Variants in LIMA1 observed in about 807,000 individuals in gnomAD.
LIMA1 encodes LIM domain and actin binding 1, also known as LIM domain and actin-binding protein 1.
In LIMA1, 52 loss-of-function variants were observed where a neutral mutation model predicts 62.6. The observed-to-expected ratio is 0.83, with a 90% confidence interval of 0.67 to 1.05. LIMA1 has a LOEUF of 1.05. Ranked by LOEUF, LIMA1 falls within the 50% of genes least tolerant of loss-of-function variation. The pLI, the probability that LIMA1 is intolerant of heterozygous loss-of-function variation, is 0.00. For missense variants in LIMA1, 780 were observed against 902.2 expected (o/e 0.86, Z 1.74); for synonymous variants, 302 against 317.8 (o/e 0.95, Z 0.53).
At chr12:50,274,364 T>C (rs1279872711) in intron 1 of LIMA1, among the ~76,000 whole-genome samples, 1 of 152,190 alleles carries the variant, frequency 6.6e-6, no homozygotes, top group Non-Finnish European at 1.5e-5. Context: ...GGCAGGCGGA[T>C]AATGAGGTCG....
intron 1 of LIMA1, among the ~76,000 whole-genome samples, chr12:50,271,105 A>G (rs1204459566): frequency 6.6e-6 from 1 of 151,900 alleles, no homozygotes; most frequent in African/African-American, 2.4e-5. Flanking sequence ...ACAAACAAAC[A>G]AACAAAAAAC....
At chr12:50,186,946 A>G (rs1213949393) in intron 9 of LIMA1, 1 of 152,232 alleles carries the variant, frequency 6.6e-6, no homozygotes, top group African/African-American at 2.4e-5. Flanking sequence ...GGAGGAGAGC[A>G]GATGCTAACC....
intron 1 of LIMA1, among the ~76,000 whole-genome samples, chr12:50,259,426 T>TA (rs1942038257): frequency 6.6e-6 from 1 of 152,204 alleles, no homozygotes; most frequent in Non-Finnish European, 1.5e-5. Flanking sequence ...ACTCTATAAA[T>TA]ACGCCTTCCA....
Position 50,179,538 on chromosome 12 carries a change from C to T in LIMA1, c.1275-1469G>A, listed in dbSNP as rs1415698176. Among the ~76,000 whole-genome samples, 5 of 144,750 alleles carry T rather than the reference C, an allele frequency of 3.5e-5. 1 individual carries two copies. The highest frequency in any genetic ancestry group is 4.4e-4 in the East Asian group (2 of 4,522). 95.0% of individuals were successfully genotyped at this position (144,750 alleles called of 152,430 possible). ...CTGCAAGCTCCGCCTCCCAGGTTCA[C>T]GCCATTCTCCTGCCTCAGCCTCCCG... On this transcript the variant is annotated intron_variant, in intron 10 of 10. Transcript: ENST00000341247.
rs140496458 is a variant in LIMA1 at position 50,271,220 on chromosome 12, G to T, written c.-24+12200C>A. Among the ~76,000 whole-genome samples the T allele has an allele frequency of 5.9e-3, 894 of 152,280 alleles. 5 individuals are homozygous for T. The highest frequency in any genetic ancestry group is 9.9e-3 in the Non-Finnish European group (676 of 68,016). On this transcript the variant is annotated intron_variant, in intron 1 of 10. Coordinates refer to ENST00000341247, the MANE Select transcript of LIMA1 (RefSeq NM_016357.5). ...CAGGAGTTTGAGGCTGCAGTGAGCC[G>T]TGACTATGCCACTGCACTCCAGCCT...
At chr12:50,257,115 T>C (rs1327468405) in intron 1 of LIMA1, among the ~76,000 whole-genome samples, 1 of 152,242 alleles carries the variant, frequency 6.6e-6, no homozygotes, top group Non-Finnish European at 1.5e-5. Context: ...CATTCATGGG[T>C]GTGTCTTGCT....
rs2138485141 is a variant in LIMA1 at position 50,204,719 on chromosome 12, CAT to C, written c.716-21_716-20del. 1 of 1,612,654 alleles carries C rather than the reference CAT, an allele frequency of 6.2e-7. No homozygotes were observed. Among genetic ancestry groups the C allele is most frequent in the African/African-American group, 1.3e-5 (1 of 74,904 alleles). ...AACTGACCTGGAAGCATCCAAATAA[CAT>C]GTTTTATTTTATTTCTGAGATGGGG... On this transcript the variant is annotated intron_variant, in intron 5 of 10. Transcript: ENST00000341247.
At chr12:50,254,127 C>A (rs1941964355) in intron 1 of LIMA1, among the ~76,000 whole-genome samples, 2 of 152,076 alleles carry the variant, frequency 1.3e-5, no homozygotes, top group African/African-American at 4.8e-5. Flanking sequence ...ACTCCAAAAC[C>A]CATTCTCTTC....
chr12:50,242,361 G>GTT (rs922030578), intron 2 of LIMA1, among the ~76,000 whole-genome samples: 1 of 143,652 alleles, frequency 7.0e-6, no homozygotes, highest in Non-Finnish European at 1.5e-5. Context: ...AACGCTCTTT[G>GTT]TTTTTTTTTT....
intron 6 of LIMA1, among the ~76,000 whole-genome samples, chr12:50,203,937 G>A (rs1205856627): frequency 6.6e-6 from 1 of 152,160 alleles, no homozygotes; most frequent in African/African-American, 2.4e-5. Flanking sequence ...AGGGGAAGTT[G>A]GGAGTGACTA....
intron 4 of LIMA1, among the ~76,000 whole-genome samples, chr12:50,220,053 TTTA>T (rs1390164373): frequency 6.6e-6 from 1 of 150,520 alleles, no homozygotes; most frequent in Non-Finnish European, 1.5e-5. Flanking sequence ...TAGTAGGATC[TTTA>T]TTTTTATTTT....
intron 9 of LIMA1, chr12:50,188,990 G>A (rs1940692397): frequency 6.6e-6 from 1 of 152,164 alleles, no homozygotes; most frequent in African/African-American, 2.4e-5. Context: ...AAGTAACCCT[G>A]TGGGGTTTGC....
At position 50,181,939 on chromosome 12, in the gene LIMA1, G is replaced by A. The variant is rs563821348; in HGVS notation, c.1239C>T (p.Ser413=). The change falls in exon 10 of 11, where the codon AGC becomes AGT. Residue 413 remains serine (S), a synonymous_variant. Coordinates refer to ENST00000341247, the MANE Select transcript of LIMA1 (RefSeq NM_016357.5). The part of the protein sequence containing the change: ...LLANQQVFHI[S]CFRCSYCNNK... ...TGTTGCAATAGGAGCAACGGAAGCAGCTGATGTGAAACACCTGCTGGTTGG... is the reference window on the plus strand; with the variant it reads ...TGTTGCAATAGGAGCAACGGAAGCAACTGATGTGAAACACCTGCTGGTTGG... 6.2e-7 allele frequency: 1 copy of A among 1,614,046 alleles called. No individual in the cohort carries two copies. Among genetic ancestry groups the A allele is most frequent in the Non-Finnish European group, 8.5e-7 (1 of 1,180,032 alleles).
chr12:50,178,930 A>G (rs1255226284), intron 10 of LIMA1, among the ~76,000 whole-genome samples: 1 of 149,660 alleles, frequency 6.7e-6, no homozygotes, highest in Non-Finnish European at 1.5e-5. Flanking sequence ...AATTAACTCT[A>G]TTCTTAACGG....
At chr12:50,248,231 C>A (rs918887849) in intron 2 of LIMA1, among the ~76,000 whole-genome samples, 6 of 152,216 alleles carry the variant, frequency 3.9e-5, no homozygotes, top group Non-Finnish European at 8.8e-5. Context: ...CACCATTCAA[C>A]CAAATCAAAA....
intron 4 of LIMA1, among the ~76,000 whole-genome samples, chr12:50,216,720 C>T (rs558309748): frequency 2.3e-3 from 355 of 151,972 alleles, no homozygotes; most frequent in Middle Eastern, 6.8e-3. Flanking sequence ...AAAAGTTAGC[C>T]GGGAATGGCA....
At chr12:50,239,047 C>T (rs145678675) in intron 2 of LIMA1, among the ~76,000 whole-genome samples, 11 of 152,196 alleles carry the variant, frequency 7.2e-5, no homozygotes, top group African/African-American at 2.4e-4. Context: ...CATTTTCATT[C>T]GAGAAATACT....
chr12:50,215,717 C>T (rs1438349798), intron 4 of LIMA1, among the ~76,000 whole-genome samples: 2 of 152,090 alleles, frequency 1.3e-5, no homozygotes, highest in Non-Finnish European at 2.9e-5. Context: ...TCGTGATCCG[C>T]CTGCCTCGGC....
intron 10 of LIMA1, among the ~76,000 whole-genome samples, chr12:50,179,934 G>A (rs1940456879): frequency 6.6e-6 from 1 of 151,670 alleles, no homozygotes; most frequent in Non-Finnish European, 1.5e-5. Context: ...GGAGGCCGAG[G>A]TGGGCAGATC....
Sources: gnomAD v4.1 joint callset for allele counts (sites outside exome capture counted in the v4.1 genomes callset) on GRCh38, gnomAD v4.1.1 for gene constraint, MANE v1.5 for transcripts, NCBI Gene and HGNC (gene_info 2026-07-23, HGNC 2026-07-21) for gene names.